The following OASL variants were observed in gnomAD, a reference collection of about 807,000 sequenced individuals.
OASL encodes 2'-5'-oligoadenylate synthetase like.
OASL carries 28 observed loss-of-function variants against 35.3 expected under a neutral mutation model. The ratio of observed to expected loss-of-function variants is 0.79; its 90% CI spans 0.59 to 1.09. The LOEUF (loss-of-function observed/expected upper bound fraction) is 1.09. OASL is among the 50% of genes least tolerant of loss of function. OASL has a pLI of 0.00. For missense variants in OASL, 620 were observed against 635.2 expected (o/e 0.98, Z 0.26); for synonymous variants, 252 against 254.6 (o/e 0.99, Z 0.10).
intron 5 of OASL, among the ~76,000 whole-genome samples, chr12:121,022,238 C>T (rs1869273546): frequency 1.3e-5 from 2 of 152,150 alleles, no homozygotes; most frequent in Admixed American, 1.3e-4. Context: ...AGGCACATGC[C>T]ACCACACCCA....
At chr12:121,029,143 T>C (rs900783993) in intron 3 of OASL, among the ~76,000 whole-genome samples, 2 of 151,684 alleles carry the variant, frequency 1.3e-5, no homozygotes, top group East Asian at 3.9e-4. Flanking sequence ...TGGTCAAATA[T>C]TCAGTAGTTT....
At chr12:121,035,214 T>C (rs1435379060) in intron 1 of OASL, among the ~76,000 whole-genome samples, 8 of 152,046 alleles carry the variant, frequency 5.3e-5, no homozygotes, top group Non-Finnish European at 1.0e-4. Flanking sequence ...GAGCCCTGTA[T>C]ACATATTATT....
intron 5 of OASL, 106 bp from the exon 6 acceptor site, chr12:121,021,164 C>T (rs548720388): frequency 1.7e-5 from 21 of 1,209,680 alleles, no homozygotes; most frequent in African/African-American, 7.6e-5. Flanking sequence ...GCAGCAGCAG[C>T]GGCAGCAGCA....
At chr12:121,031,088 A>G (rs1035749478) in intron 3 of OASL, among the ~76,000 whole-genome samples, 2 of 152,082 alleles carry the variant, frequency 1.3e-5, no homozygotes, top group Non-Finnish European at 2.9e-5. Flanking sequence ...AGGGAGGTGG[A>G]GGCTACAGTG....
Position 121,027,623 on chromosome 12 carries a change from G to C in OASL, c.852C>G (p.His284Gln), listed in dbSNP as rs1181608187. ...TGACACAATCCTCAATGATTGCATT[G>C]TGGAGTGTGTAGTACTTGGTCCAGT... The change falls in exon 4 of 6, where the codon CAC (histidine) becomes CAG (glutamine). Residue 284 changes from histidine (H) to glutamine (Q), a missense_variant. Transcript: ENST00000257570. The C allele has an allele frequency of 6.2e-6, 10 of 1,614,010 alleles. No homozygotes were observed. The African/African-American group carries it at 1.3e-4, about 22-fold the overall frequency.
At chr12:121,024,971 C>CTTT (rs751576824) in intron 4 of OASL, among the ~76,000 whole-genome samples, 680 of 63,700 alleles carry the variant, frequency 0.011, 22 homozygotes, top group East Asian at 0.027. Context: ...CCCTAAGTTC[C>CTTT]TTTTTTTTTT....
chr12:121,034,168 G>A (rs550218933), intron 1 of OASL, among the ~76,000 whole-genome samples: 10 of 150,180 alleles, frequency 6.7e-5, no homozygotes, highest in African/African-American at 2.0e-4. Flanking sequence ...CTCAGGTCTC[G>A]CAGTTTGCAG....
intron 1 of OASL, among the ~76,000 whole-genome samples, chr12:121,037,636 G>C (rs1870006163): frequency 6.6e-6 from 1 of 152,012 alleles, no homozygotes; most frequent in East Asian, 1.9e-4. Context: ...AGCCGGGCGT[G>C]GTGGTGGGCG....
At chr12:121,032,171 C>T (rs904501115) in intron 2 of OASL, among the ~76,000 whole-genome samples, 2 of 151,634 alleles carry the variant, frequency 1.3e-5, no homozygotes, top group African/African-American at 4.9e-5. Flanking sequence ...CCAGCCTGGG[C>T]GACAGAGCGA....
chr12:121,029,064 GAAAAAAAAAAA>G (rs10577200), intron 3 of OASL, among the ~76,000 whole-genome samples: 5 of 105,090 alleles, frequency 4.8e-5, no homozygotes, highest in African/African-American at 7.1e-5. Context: ...ACTTGTCTCA[GAAAAAAAAAAA>G]AAAAAAAAAA....
chr12:121,018,362 G>T (rs183238825), downstream of OASL, among the ~76,000 whole-genome samples: 2 of 152,034 alleles, frequency 1.3e-5, no homozygotes, highest in Admixed American at 6.5e-5. Flanking sequence ...CGGTCTTCAG[G>T]GGGTAGGTGT....
At chr12:121,027,065 T>C (rs1009664115) in intron 4 of OASL, among the ~76,000 whole-genome samples, 5 of 152,140 alleles carry the variant, frequency 3.3e-5, no homozygotes, top group African/African-American at 1.2e-4. Flanking sequence ...AATGGGACGC[T>C]GACAGCACAT....
chr12:121,020,565 C>T, exon 6 of OASL: 1 of 1,598,124 alleles, frequency 6.3e-7, no homozygotes. Context: ...AGAAAACTAA[C>T]TGGCTGGAAA....
chr12:121,031,163 TAATAA>T lies in OASL; in HGVS notation c.657+274_657+278del, dbSNP rs773535939. Among the ~76,000 whole-genome samples, 4 of 151,690 alleles carry T rather than the reference TAATAA, an allele frequency of 2.6e-5. No homozygotes were observed. The South Asian group carries it at 6.3e-4, about 24-fold the overall frequency. ...AGCAAGATCCTGTCTCAAAAAAAAA[TAATAA>T]AATAAAATAAAAATAACTAGTTTAC... On this transcript the variant is annotated intron_variant, in intron 3 of 5. Transcript: ENST00000257570.
Position 121,027,444 on chromosome 12 carries a change from G to C in OASL, c.899+132C>G. ...TTGAGATGCCAGCTGTGTTGGTGTGGGAGGTCGATGCTCAACTATGGTGGC... is the reference window on the plus strand; with the variant it reads ...TTGAGATGCCAGCTGTGTTGGTGTGCGAGGTCGATGCTCAACTATGGTGGC... On this transcript the variant is annotated intron_variant, in intron 4 of 5. Coordinates refer to ENST00000257570, the Ensembl canonical transcript of OASL. 2.2e-6 allele frequency: 3 copies of C among 1,337,370 alleles called. No homozygotes were observed. The South Asian group carries it at 4.2e-5, about 19-fold the overall frequency. The allele number at this position is 1,337,370 out of a possible 1,614,324, so 82.8% of individuals were successfully genotyped here.
chr12:121,037,773 A>C (rs1870013675), intron 1 of OASL, among the ~76,000 whole-genome samples: 1 of 148,386 alleles, frequency 6.7e-6, no homozygotes, highest in Admixed American at 6.7e-5. Flanking sequence ...TCTGTCTCAA[A>C]AAAAAAAAAA....
chr12:121,018,565 C>T (rs903780994), downstream of OASL, among the ~76,000 whole-genome samples: 2 of 151,770 alleles, frequency 1.3e-5, no homozygotes, highest in Non-Finnish European at 2.9e-5. Context: ...TGGATCAATG[C>T]CTTCATAAAA....
chr12:121,027,409 A>T (rs1869532835), intron 4 of OASL, among the ~76,000 whole-genome samples, 167 bp downstream of exon 4: 1 of 152,242 alleles, frequency 6.6e-6, no homozygotes, highest in Non-Finnish European at 1.5e-5. Context: ...GACTTTGATA[A>T]GCCACCAACT....
At chr12:121,025,176 C>T (rs1340368242) in intron 4 of OASL, among the ~76,000 whole-genome samples, 3 of 151,842 alleles carry the variant, frequency 2.0e-5, no homozygotes, top group African/African-American at 7.3e-5. Context: ...TGGGGTTTCA[C>T]CATCTTGGCC....
Sources: allele counts gnomAD v4.1 joint callset (sites outside exome capture counted in the v4.1 genomes callset), GRCh38; gene constraint gnomAD v4.1.1; transcripts MANE v1.5; gene names NCBI Gene and HGNC (gene_info 2026-07-23, HGNC 2026-07-21).